Variants in MECOM observed in about 807,000 individuals in gnomAD.
MECOM encodes MDS1 and EVI1 complex locus.
Under a neutral mutation model 116.3 loss-of-function variants are expected in MECOM, and 13 were observed. The ratio of observed to expected loss-of-function variants is 0.11; its 90% CI spans 0.07 to 0.18. The LOEUF is 0.18. Among genes scored for constraint, MECOM ranks in the 10% least tolerant of loss-of-function variants. The pLI, the probability that MECOM is intolerant of heterozygous loss-of-function variation, is 1.00. For synonymous variants in MECOM, 528 were observed against 535.2 expected (o/e 0.99, Z 0.19); for missense variants, 1,299 against 1,509.0 (o/e 0.86, Z 2.31).
At chr3:169,459,332 A>G (rs1400990962) in intron 1 of MECOM, among the ~76,000 whole-genome samples, 3 of 152,182 alleles carry the variant, frequency 2.0e-5, no homozygotes, top group African/African-American at 4.8e-5. Context: ...AAGCAATATT[A>G]TTTACCCACT....
intron 2 of MECOM, among the ~76,000 whole-genome samples, chr3:169,354,474 G>A (rs1176004224): frequency 6.6e-6 from 1 of 151,740 alleles, no homozygotes; most frequent in Admixed American, 6.6e-5. Flanking sequence ...TACTTTCATA[G>A]GACACAAAAT....
chr3:169,269,349 T>A (rs986286983), intron 2 of MECOM: 4 of 150,032 alleles, frequency 2.7e-5, no homozygotes, highest in Non-Finnish European at 5.9e-5. Context: ...TGTATCTGTA[T>A]ACAGCTTTAA....
chr3:169,341,242 A>G (rs915136761), intron 2 of MECOM, among the ~76,000 whole-genome samples: 9 of 152,134 alleles, frequency 5.9e-5, no homozygotes, highest in Non-Finnish European at 2.9e-5. Flanking sequence ...CTATGTTGCA[A>G]CAACATGGAT....
In MECOM at chr3:169,608,232, T is replaced by A. The variant is rs528628132; in HGVS notation, c.37+55104A>T. ...ACCAGTGGCCAAGACAGGTGTGACG[T>A]GTTTGATCGCTGAGGCCTGCTAGTC... On this transcript the variant is annotated intron_variant, in intron 1 of 16. Coordinates refer to ENST00000651503, the MANE Select transcript of MECOM (RefSeq NM_004991.4). 3.0e-4 allele frequency among the ~76,000 whole-genome samples: 46 copies of A among 152,242 alleles called. 2 individuals are homozygous for A. In the South Asian group the frequency reaches 8.7e-3, roughly 29 times the overall value.
intron 2 of MECOM, among the ~76,000 whole-genome samples, chr3:169,260,715 T>A (rs565212880): frequency 3.9e-5 from 6 of 152,328 alleles, no homozygotes; most frequent in Admixed American, 1.3e-4. Context: ...AGAATGATAA[T>A]ATATGTTGGA....
At chr3:169,524,777 T>G (rs1757778414) in intron 1 of MECOM, among the ~76,000 whole-genome samples, 1 of 152,196 alleles carries the variant, frequency 6.6e-6, no homozygotes, top group South Asian at 2.1e-4. Flanking sequence ...TTCGTTTCAT[T>G]CTGCAAAACA....
intron 2 of MECOM, among the ~76,000 whole-genome samples, chr3:169,342,162 G>A (rs917045788): frequency 6.6e-6 from 1 of 151,866 alleles, no homozygotes; most frequent in Non-Finnish European, 1.5e-5. Context: ...TACTTATGCT[G>A]TCATATATTA....
intron 1 of MECOM, among the ~76,000 whole-genome samples, chr3:169,607,390 G>T (rs1163859450): frequency 6.6e-6 from 1 of 152,126 alleles, no homozygotes; most frequent in South Asian, 2.1e-4. Context: ...AGAAATATTT[G>T]TGTAAGAAAA....
chr3:169,143,847 A>G lies in MECOM; in HGVS notation c.376-15T>C, dbSNP rs1404989960. The G allele has an allele frequency of 6.3e-7, 1 of 1,588,066 alleles. No homozygotes were observed. Among genetic ancestry groups the G allele is most frequent in the Non-Finnish European group, 8.6e-7 (1 of 1,167,048 alleles). On this transcript the variant is annotated splice_polypyrimidine_tract_variant and intron_variant, in intron 2 of 16. Coordinates refer to ENST00000651503, the MANE Select transcript of MECOM (RefSeq NM_004991.4). ...TCGTCTAAGATCTGGAGGGAAGAAG[A>G]TGAGAACAATCAATTGCCATATTGG...
chr3:169,174,477 G>A (rs1744868691), intron 2 of MECOM, among the ~76,000 whole-genome samples: 1 of 152,072 alleles, frequency 6.6e-6, no homozygotes, highest in African/African-American at 2.4e-5. Context: ...CAAAGAATGT[G>A]ATGCAAGAAA....
chr3:169,179,995 A>T (rs568797902), intron 2 of MECOM, among the ~76,000 whole-genome samples: 9 of 152,208 alleles, frequency 5.9e-5, no homozygotes, highest in Non-Finnish European at 1.2e-4. Context: ...TAATGTAGTC[A>T]ACCTTAATCT....
intron 1 of MECOM, among the ~76,000 whole-genome samples, chr3:169,579,076 C>T (rs1253837493): frequency 6.6e-6 from 1 of 152,130 alleles, no homozygotes; most frequent in Non-Finnish European, 1.5e-5. Context: ...GCTGCTCTGG[C>T]AGATTTTGAA....
intron 1 of MECOM, among the ~76,000 whole-genome samples, chr3:169,392,817 G>T (rs1041981714): frequency 2.6e-5 from 4 of 152,100 alleles, no homozygotes; most frequent in Non-Finnish European, 5.9e-5. Context: ...GATTATTGGT[G>T]GAAACGCAGT....
At position 169,145,165 on chromosome 3, in the gene MECOM, CACACACACACACACACACACACACAGAG is replaced by C. The variant is rs1433566584; in HGVS notation, c.376-1361_376-1334del. The C allele has an allele frequency of 1.9e-4, 93 of 490,366 alleles. 2 individuals are homozygous for C. The highest frequency in any genetic ancestry group is 8.0e-4 in the South Asian group (28 of 34,834). The allele number at this position is 490,366 out of a possible 1,614,324, so 30.4% of individuals were successfully genotyped here. On this transcript the variant is annotated intron_variant, in intron 2 of 16. Transcript: ENST00000651503. ...TTAAACACACACACACACACACACA[CACACACACACACACACACACACACAGAG>C]AGAAATCAAACTCTTCTTTTTCAAG...
chr3:169,349,007 T>C (rs1438598686), intron 2 of MECOM, among the ~76,000 whole-genome samples: 1 of 151,794 alleles, frequency 6.6e-6, no homozygotes, highest in African/African-American at 2.4e-5. Context: ...AGAACCAGAG[T>C]GGAACTGCAT....
intron 2 of MECOM, among the ~76,000 whole-genome samples, chr3:169,353,317 T>C (rs960272281): frequency 9.2e-5 from 14 of 151,930 alleles, no homozygotes; most frequent in African/African-American, 3.4e-4. Flanking sequence ...AAAATAATGT[T>C]AATACTATTT....
intron 1 of MECOM, among the ~76,000 whole-genome samples, chr3:169,439,912 A>G (rs963411413): frequency 6.6e-6 from 1 of 152,232 alleles, no homozygotes; most frequent in African/African-American, 2.4e-5. Context: ...TATTGCATGT[A>G]GAAAAGCAAG....
At chr3:169,446,305 T>A (rs1744617876) in intron 1 of MECOM, among the ~76,000 whole-genome samples, 1 of 152,096 alleles carries the variant, frequency 6.6e-6, no homozygotes, top group Admixed American at 6.6e-5. Flanking sequence ...GGCCAGTCTT[T>A]CCCTTGCTAC....
At chr3:169,550,648 G>C (rs1462258395) in intron 1 of MECOM, among the ~76,000 whole-genome samples, 1 of 152,174 alleles carries the variant, frequency 6.6e-6, no homozygotes, top group Non-Finnish European at 1.5e-5. Flanking sequence ...TCTTCAACTA[G>C]ACATCTGTGG....
Sources: gnomAD v4.1 joint callset for allele counts (sites outside exome capture counted in the v4.1 genomes callset) on GRCh38, gnomAD v4.1.1 for gene constraint, MANE v1.5 for transcripts, NCBI Gene and HGNC (gene_info 2026-07-23, HGNC 2026-07-21) for gene names.